Variants in RBFOX1 observed in about 807,000 individuals in gnomAD.
RBFOX1 encodes RNA binding protein fox-1 homolog 1.
Under a neutral mutation model 57.7 loss-of-function variants are expected in RBFOX1, and 8 were observed. That is an observed-to-expected ratio of 0.14 (90% CI 0.08 to 0.25). RBFOX1 has a LOEUF of 0.25. Among genes scored for constraint, RBFOX1 ranks in the 10% least tolerant of loss-of-function variants. RBFOX1 has a pLI of 1.00. For missense variants in RBFOX1, 611 were observed against 548.5 expected, an observed-to-expected ratio of 1.11 and a Z score of -1.14; for synonymous variants, 326 against 222.4, an observed-to-expected ratio of 1.47 and a Z score of -4.15.
At chr16:7,572,882 T>A (rs1339911754) in intron 5 of RBFOX1, among the ~76,000 whole-genome samples, 3 of 150,380 alleles carry the variant, frequency 2.0e-5, no homozygotes, top group Non-Finnish European at 4.5e-5. Context: ...CAGCCCCAAA[T>A]GTCAATGGTA....
At chr16:6,740,647 A>C (rs911725247) in intron 3 of RBFOX1, among the ~76,000 whole-genome samples, 21 of 152,192 alleles carry the variant, frequency 1.4e-4, no homozygotes, top group African/African-American at 5.1e-4. Context: ...ACCCAGAAAA[A>C]AGGGAAATAT....
At chr16:5,469,638 C>G (rs567137198) in intron 2 of RBFOX1, among the ~76,000 whole-genome samples, 1 of 152,078 alleles carries the variant, frequency 6.6e-6, no homozygotes, top group African/African-American at 2.4e-5. Flanking sequence ...CCAAAGGAGA[C>G]CCTGCGACCA....
intron 2 of RBFOX1, among the ~76,000 whole-genome samples, chr16:6,383,357 A>G (rs2091982338): frequency 1.3e-5 from 2 of 152,206 alleles, no homozygotes; most frequent in Admixed American, 1.3e-4. Context: ...GGAGGACACA[A>G]AAGCATGATT....
intron 2 of RBFOX1, among the ~76,000 whole-genome samples, chr16:5,471,114 G>C (rs1261448466): frequency 6.6e-6 from 1 of 152,158 alleles, no homozygotes; most frequent in Non-Finnish European, 1.5e-5. Context: ...GATTGCAGGC[G>C]TGAGCCACTG....
intron 1 of RBFOX1, among the ~76,000 whole-genome samples, chr16:5,336,398 A>G (rs553488321): frequency 6.6e-6 from 1 of 152,186 alleles, no homozygotes; most frequent in South Asian, 2.1e-4. Context: ...CACTATCCTC[A>G]TCGGTAAAAC....
chr16:7,133,218 TA>T (rs1339254468), intron 4 of RBFOX1, among the ~76,000 whole-genome samples: 1 of 152,194 alleles, frequency 6.6e-6, no homozygotes, highest in Admixed American at 6.5e-5. Flanking sequence ...ACATATCATT[TA>T]AAAAATTATT....
intron 9 of RBFOX1, among the ~76,000 whole-genome samples, chr16:7,600,976 C>A (rs557950121): frequency 1.3e-5 from 2 of 152,276 alleles, no homozygotes; most frequent in African/African-American, 4.8e-5. Context: ...TGAAGGACAC[C>A]TACCCACACG....
chr16:5,470,026 T>C (rs1235254811), intron 2 of RBFOX1, among the ~76,000 whole-genome samples: 1 of 152,166 alleles, frequency 6.6e-6, no homozygotes, highest in Non-Finnish European at 1.5e-5. Flanking sequence ...AGGAGTGGAA[T>C]TGTTGGGCCA....
intron 5 of RBFOX1, among the ~76,000 whole-genome samples, chr16:7,525,999 C>G (rs1600881863): frequency 6.6e-6 from 1 of 152,148 alleles, no homozygotes. Flanking sequence ...CTGTTGGGAA[C>G]TGAGCTGCAC....
At chr16:6,467,702 A>G (rs1034396751) in intron 2 of RBFOX1, among the ~76,000 whole-genome samples, 1 of 152,230 alleles carries the variant, frequency 6.6e-6, no homozygotes, top group African/African-American at 2.4e-5. Flanking sequence ...CCTGTGTGAT[A>G]TGCCACTGGA....
At chr16:6,911,829 T>C (rs1394195471) in intron 3 of RBFOX1, among the ~76,000 whole-genome samples, 2 of 152,260 alleles carry the variant, frequency 1.3e-5, no homozygotes, top group African/African-American at 4.8e-5. Flanking sequence ...GAATTTACTT[T>C]TTAAAAATCT....
At chr16:5,561,062 A>G (rs17138059) in intron 2 of RBFOX1, among the ~76,000 whole-genome samples, 56 of 152,154 alleles carry the variant, frequency 3.7e-4, no homozygotes, top group African/African-American at 5.1e-4. Flanking sequence ...GGTTTTATCA[A>G]TTCCCAAATG....
chr16:7,421,784 G>A (rs1396800363), intron 4 of RBFOX1, among the ~76,000 whole-genome samples: 1 of 152,222 alleles, frequency 6.6e-6, no homozygotes, highest in Non-Finnish European at 1.5e-5. Context: ...GCTGTCGTCA[G>A]CAGTTTTCTG....
At chr16:5,797,212 C>T (rs974679053) in intron 3 of RBFOX1, among the ~76,000 whole-genome samples, 1 of 152,230 alleles carries the variant, frequency 6.6e-6, no homozygotes. Context: ...TTCTGATTTC[C>T]TATCACTATT....
chr16:5,665,089 G>C (rs2049789824), intron 3 of RBFOX1, among the ~76,000 whole-genome samples: 1 of 148,326 alleles, frequency 6.7e-6, no homozygotes. Context: ...GAGACCACAG[G>C]TGTGCACCAC....
chr16:5,856,537 ATGTGTGTGTGTG>A (rs774246673), intron 3 of RBFOX1, among the ~76,000 whole-genome samples: 1 of 70,240 alleles, frequency 1.4e-5, no homozygotes, highest in South Asian at 6.2e-4. Flanking sequence ...ATATATGTGT[ATGTGTGTGTGTG>A]TGTGTGTGTG....
intron 1 of RBFOX1, among the ~76,000 whole-genome samples, chr16:6,045,845 C>G (rs2095489822): frequency 6.6e-6 from 1 of 152,144 alleles, no homozygotes; most frequent in South Asian, 2.1e-4. Context: ...AGTTAAGACA[C>G]ACACACATAC....
chr16:7,330,395 T>TG (rs934837126), intron 4 of RBFOX1, among the ~76,000 whole-genome samples: 1 of 148,598 alleles, frequency 6.7e-6, no homozygotes, highest in African/African-American at 2.5e-5. Flanking sequence ...GAGGTTTTTT[T>TG]TTTTTTTTTT....
At chr16:7,117,914 T>C (rs1237504737) in intron 4 of RBFOX1, among the ~76,000 whole-genome samples, 1 of 152,064 alleles carries the variant, frequency 6.6e-6, no homozygotes, top group Non-Finnish European at 1.5e-5. Flanking sequence ...CATCCAGAAA[T>C]GGGTGGAGAG....
Sources: allele counts gnomAD v4.1 joint callset (sites outside exome capture counted in the v4.1 genomes callset), GRCh38; gene constraint gnomAD v4.1.1; transcripts MANE v1.5; gene names NCBI Gene and HGNC (gene_info 2026-07-23, HGNC 2026-07-21).